The following GRXCR1 variants were observed in gnomAD, a reference collection of about 807,000 sequenced individuals.
The protein encoded by GRXCR1 is glutaredoxin domain-containing cysteine-rich protein 1.
A neutral mutation model predicts 27.3 loss-of-function variants in GRXCR1; 27 were observed. The ratio of observed to expected loss-of-function variants is 0.99; its 90% confidence interval spans 0.73 to 1.37. The LOEUF (loss-of-function observed/expected upper bound fraction) is 1.37, where lower values mean the gene tolerates loss of function less well. Ranked by LOEUF, GRXCR1 falls within the 40% of genes most tolerant of loss-of-function variation. GRXCR1 has a pLI of 0.00. For missense variants in GRXCR1, 379 were observed against 354.4 expected, an observed-to-expected ratio of 1.07 and a Z score of -0.56; for synonymous variants, 122 against 131.1, an observed-to-expected ratio of 0.93 and a Z score of 0.47.
At chr4:42,945,755 C>T (rs1023105536) in intron 1 of GRXCR1, among the ~76,000 whole-genome samples, 11 of 152,124 alleles carry the variant, frequency 7.2e-5, no homozygotes, top group African/African-American at 1.2e-4. Flanking sequence ...CATTTAACCA[C>T]GTAGTAAAGG....
At chr4:42,965,752 C>G (rs1228255840) in intron 2 of GRXCR1, among the ~76,000 whole-genome samples, 1 of 151,828 alleles carries the variant, frequency 6.6e-6, no homozygotes, top group African/African-American at 2.4e-5. Flanking sequence ...GAAAAACAGA[C>G]AGAAACAGCC....
chr4:43,005,705 C>T lies in GRXCR1; in HGVS notation c.628-14649C>T, dbSNP rs370541834. ...GAAGTACTCCTTGGAAAGTGAGACT[C>T]CAGATGTGGGTGAAGGGCAGGGAGA... On this transcript the variant is annotated intron_variant, in intron 2 of 3. Transcript: ENST00000399770. 2.0e-5 allele frequency among the ~76,000 whole-genome samples: 3 copies of T among 152,246 alleles called. No homozygotes were observed. The East Asian group carries it at 5.8e-4, about 29-fold the overall frequency.
intron 1 of GRXCR1, among the ~76,000 whole-genome samples, chr4:42,928,243 C>T (rs750325532): frequency 2.6e-5 from 4 of 151,934 alleles, no homozygotes; most frequent in Admixed American, 6.6e-5. Context: ...GTCCTGCACA[C>T]GTTTCCAGGC....
chr4:43,008,307 G>A (rs1475086767), intron 2 of GRXCR1, among the ~76,000 whole-genome samples: 1 of 152,070 alleles, frequency 6.6e-6, no homozygotes, highest in African/African-American at 2.4e-5. Context: ...CTTTCTGGAT[G>A]GTCCCAATAC....
chr4:42,934,191 G>A (rs1307407247), intron 1 of GRXCR1, among the ~76,000 whole-genome samples: 1 of 151,190 alleles, frequency 6.6e-6, no homozygotes, highest in African/African-American at 2.4e-5. Flanking sequence ...TAAGTTTTGT[G>A]TTGAGTTGAG....
chr4:42,965,864 C>T (rs1748226504), intron 2 of GRXCR1, among the ~76,000 whole-genome samples: 1 of 151,986 alleles, frequency 6.6e-6, no homozygotes. Context: ...CTTTGCATTA[C>T]TGTCAGTGTT....
At chr4:42,987,269 TATATATATAG>T (rs1711798331) in intron 2 of GRXCR1, among the ~76,000 whole-genome samples, 1 of 80,108 alleles carries the variant, frequency 1.2e-5, no homozygotes, top group African/African-American at 4.4e-5. Flanking sequence ...ATAATATATA[TATATATATAG>T]AGAGAGAGAG....
intron 2 of GRXCR1, among the ~76,000 whole-genome samples, chr4:42,984,395 T>C (rs1711608803): frequency 6.6e-6 from 1 of 152,242 alleles, no homozygotes; most frequent in African/African-American, 2.4e-5. Flanking sequence ...TTCATTTCAT[T>C]AGCATCAGTC....
chr4:42,993,391 T>C (rs1560679549), intron 2 of GRXCR1, among the ~76,000 whole-genome samples: 1 of 152,086 alleles, frequency 6.6e-6, no homozygotes. Context: ...TAGCCTCTTG[T>C]GTCAATCTTT....
In GRXCR1 at chr4:42,935,506, G is replaced by T. The variant is rs543285174; in HGVS notation, c.385-27386G>T. On this transcript the variant is annotated intron_variant, in intron 1 of 3. Transcript: ENST00000399770. The stretch of plus-strand genomic sequence containing the variant: ...GGTTTAAGCTAGGCTTGGAAAGATG[G>T]GTAGCATTTGGAGAGGAGGGAAGGA... Among the ~76,000 whole-genome samples, 70 of 151,868 alleles carry T rather than the reference G, an allele frequency of 4.6e-4. No individual in the cohort carries two copies. In the Middle Eastern group the frequency reaches 0.014, roughly 30 times the overall value.
At chr4:42,904,811 A>C (rs1438179479) in intron 1 of GRXCR1, among the ~76,000 whole-genome samples, 1 of 152,162 alleles carries the variant, frequency 6.6e-6, no homozygotes, top group African/African-American at 2.4e-5. Flanking sequence ...TCCTCAGAGA[A>C]TCTAATTCTT....
intron 2 of GRXCR1, among the ~76,000 whole-genome samples, chr4:43,019,898 T>C (rs1713043269): frequency 6.6e-6 from 1 of 152,194 alleles, no homozygotes; most frequent in Admixed American, 6.5e-5. Flanking sequence ...ATTATCATTA[T>C]TGTTGCTGTT....
intron 1 of GRXCR1, among the ~76,000 whole-genome samples, chr4:42,936,156 T>C (rs767375926): frequency 6.6e-6 from 1 of 151,904 alleles, no homozygotes; most frequent in Non-Finnish European, 1.5e-5. Context: ...ACTTTGTTTC[T>C]TTGTCAAATA....
At chr4:42,963,506 C>A (rs1276805962) in intron 2 of GRXCR1, among the ~76,000 whole-genome samples, 1 of 151,920 alleles carries the variant, frequency 6.6e-6, no homozygotes, top group Non-Finnish European at 1.5e-5. Context: ...TCATATACAG[C>A]ATTATCAATC....
chr4:42,934,628 C>A (rs1249714926), intron 1 of GRXCR1, among the ~76,000 whole-genome samples: 1 of 151,886 alleles, frequency 6.6e-6, no homozygotes, highest in African/African-American at 2.4e-5. Context: ...AAATAGAGTG[C>A]TTTTTAAAAC....
intron 1 of GRXCR1, among the ~76,000 whole-genome samples, chr4:42,956,865 A>G (rs1748016481): frequency 2.0e-5 from 3 of 152,124 alleles, no homozygotes; most frequent in Admixed American, 2.0e-4. Flanking sequence ...AACCAGGTTT[A>G]GTGCAACTCC....
At chr4:42,932,830 G>T (rs1191433731) in intron 1 of GRXCR1, among the ~76,000 whole-genome samples, 2 of 151,526 alleles carry the variant, frequency 1.3e-5, no homozygotes, top group African/African-American at 4.8e-5. Flanking sequence ...GTGCTCCTGA[G>T]TTTGAGAGAG....
At position 43,030,515 on chromosome 4, in the gene GRXCR1, A is replaced by T; in HGVS notation, c.848A>T (p.Gln283Leu). 1 of 1,614,186 alleles carries T rather than the reference A, an allele frequency of 6.2e-7. No individual in the cohort carries two copies. Among genetic ancestry groups the T allele is most frequent in the East Asian group, 2.2e-5 (1 of 44,882 alleles). ...ACGGCTTGCAATGAAAATGGTCTTC[A>T]GCGTTGTAAGAACTGTGCTGGTTAA... ...KCTACNENGLQRCKNCAG is the reference protein window; with the variant it reads ...KCTACNENGLLRCKNCAG Residue 283 changes from glutamine to leucine, a missense_variant, in exon 4 of 4, where the codon CAG (glutamine) becomes CTG (leucine). By Grantham distance (113) the Gln-to-Leu change is moderately radical. Coordinates refer to ENST00000399770, the MANE Select transcript of GRXCR1 (RefSeq NM_001080476.3).
chr4:43,000,183 A>G (rs1712304735), intron 2 of GRXCR1, among the ~76,000 whole-genome samples: 1 of 152,154 alleles, frequency 6.6e-6, no homozygotes, highest in African/African-American at 2.4e-5. Flanking sequence ...TTACTCACTT[A>G]GAAGGCGTCT....
Sources: allele counts gnomAD v4.1 joint callset (sites outside exome capture counted in the v4.1 genomes callset), GRCh38; gene constraint gnomAD v4.1.1; transcripts MANE v1.5; gene names NCBI Gene and HGNC (gene_info 2026-07-23, HGNC 2026-07-21).